Variants in ADAMTS6 observed in about 807,000 individuals in gnomAD.
ADAMTS6 encodes the protein ADAM metallopeptidase with thrombospondin type 1 motif 6.
Under a neutral mutation model 144.3 loss-of-function variants are expected in ADAMTS6, and 23 were observed. That is an observed-to-expected ratio of 0.16 (90% confidence interval 0.11 to 0.23). The LOEUF is 0.23. ADAMTS6 is among the 10% of genes least tolerant of loss of function. ADAMTS6 has a pLI of 1.00. For synonymous variants in ADAMTS6, 444 were observed against 457.5 expected, an observed-to-expected ratio of 0.97 and a Z score of 0.38; for missense variants, 999 against 1,379.6, an observed-to-expected ratio of 0.72 and a Z score of 4.37.
chr5:65,452,294 A>C (rs1758811313), intron 5 of ADAMTS6, 78 bp from the exon 6 acceptor site: 2 of 1,264,196 alleles, frequency 1.6e-6, no homozygotes, highest in African/African-American at 1.5e-5. Flanking sequence ...TAAGTGCTAA[A>C]ACAATTTTTT....
At chr5:65,179,545 C>T (rs2112126346) in intron 22 of ADAMTS6, among the ~76,000 whole-genome samples, 1 of 152,236 alleles carries the variant, frequency 6.6e-6, no homozygotes, top group East Asian at 1.9e-4. Context: ...ATGTGGTTCT[C>T]TTAATTAGGA....
intron 9 of ADAMTS6, among the ~76,000 whole-genome samples, chr5:65,303,256 G>A (rs917489566): frequency 2.6e-5 from 4 of 152,058 alleles, no homozygotes; most frequent in African/African-American, 9.7e-5. Context: ...TCAAAGAGTT[G>A]AGTGGTATTT....
chr5:65,461,494 AC>A (rs1759639289), intron 3 of ADAMTS6, among the ~76,000 whole-genome samples: 1 of 152,242 alleles, frequency 6.6e-6, no homozygotes, highest in Non-Finnish European at 1.5e-5. Flanking sequence ...AAGAATTTCC[AC>A]CTTTGTCTAA....
chr5:65,239,346 CAACAA>C (rs1174850188), intron 15 of ADAMTS6, among the ~76,000 whole-genome samples: 1 of 150,644 alleles, frequency 6.6e-6, no homozygotes, highest in East Asian at 1.9e-4. Context: ...ACTGACAGAT[CAACAA>C]AACAAAACAG....
intron 22 of ADAMTS6, among the ~76,000 whole-genome samples, chr5:65,187,711 T>C (rs1220932859): frequency 2.0e-5 from 3 of 152,166 alleles, no homozygotes; most frequent in African/African-American, 7.2e-5. Flanking sequence ...AATTCTAAAC[T>C]TGTGATGTGC....
intron 7 of ADAMTS6, among the ~76,000 whole-genome samples, chr5:65,379,742 C>T (rs1377462689): frequency 1.3e-5 from 2 of 151,970 alleles, no homozygotes; most frequent in Admixed American, 1.3e-4. Context: ...ACAGTGTCCC[C>T]GCTTTCTCCT....
chr5:65,463,770 A>G (rs1224568756), intron 3 of ADAMTS6, among the ~76,000 whole-genome samples: 5 of 152,114 alleles, frequency 3.3e-5, no homozygotes, highest in Non-Finnish European at 5.9e-5. Flanking sequence ...CTCCTCTACC[A>G]CCAGCTTCAT....
At chr5:65,441,249 C>T in intron 7 of ADAMTS6, among the ~76,000 whole-genome samples, 1 of 152,008 alleles carries the variant, frequency 6.6e-6, no homozygotes, top group South Asian at 2.1e-4. Flanking sequence ...AGAAAAAAGT[C>T]ACCTTGAAGA....
intron 9 of ADAMTS6, among the ~76,000 whole-genome samples, chr5:65,322,826 C>T (rs1055097350): frequency 6.6e-6 from 1 of 152,086 alleles, no homozygotes; most frequent in Non-Finnish European, 1.5e-5. Context: ...CATCTGCAAA[C>T]AGGGATAGTT....
intron 9 of ADAMTS6, among the ~76,000 whole-genome samples, chr5:65,320,890 T>A (rs1580385918): frequency 6.6e-6 from 1 of 152,222 alleles, no homozygotes; most frequent in Non-Finnish European, 1.5e-5. Context: ...TCATTCTTTT[T>A]TATGGCTGCA....
intron 14 of ADAMTS6, among the ~76,000 whole-genome samples, chr5:65,246,455 C>T (rs1189106425): frequency 2.0e-5 from 3 of 152,052 alleles, no homozygotes; most frequent in East Asian, 1.9e-4. Context: ...GTTCTGCTTT[C>T]GTGGAGTTTA....
rs1329773681 is a variant in ADAMTS6, at chr5:65,225,034, T to TC, written c.2080dup (p.Asp694GlyfsTer2). The TC allele has an allele frequency of 6.2e-7, 1 of 1,613,960 alleles. No homozygotes were observed. Among genetic ancestry groups the TC allele is most frequent in the Non-Finnish European group, 8.5e-7 (1 of 1,179,948 alleles). On this transcript the variant is annotated frameshift_variant, in exon 17 of 25. Coordinates refer to ENST00000381055, the MANE Select transcript of ADAMTS6 (RefSeq NM_197941.4). LOFTEE classifies it high-confidence loss of function. ...CCTAGCATCAGATCCCAAAATATTA[T>TC]CACAGCCTACGTGCTGAAAACAGAG...
chr5:65,471,813 A>C (rs1271506412), intron 2 of ADAMTS6, among the ~76,000 whole-genome samples: 1 of 152,198 alleles, frequency 6.6e-6, no homozygotes, highest in Non-Finnish European at 1.5e-5. Context: ...GGAATGTAAA[A>C]TGCTGTAACC....
intron 18 of ADAMTS6, among the ~76,000 whole-genome samples, chr5:65,223,411 G>C (rs1757472158): frequency 1.3e-5 from 2 of 152,076 alleles, no homozygotes; most frequent in South Asian, 4.2e-4. Context: ...AAGTATATTA[G>C]ATGTGCAGAA....
At chr5:65,383,812 T>C (rs1413950158) in intron 7 of ADAMTS6, among the ~76,000 whole-genome samples, 2 of 151,920 alleles carry the variant, frequency 1.3e-5, no homozygotes, top group African/African-American at 4.8e-5. Context: ...CTCATAGCAA[T>C]TCTCTGCCTG....
rs560401404 is a variant in ADAMTS6 at position 65,464,429 on chromosome 5, G to A, written c.463-4091C>T. 1.2e-4 allele frequency among the ~76,000 whole-genome samples: 19 copies of A among 152,242 alleles called. No homozygotes were observed. In the South Asian group the frequency reaches 2.9e-3, roughly 23 times the overall value. On this transcript the variant is annotated intron_variant, in intron 3 of 24. Coordinates refer to ENST00000381055, the MANE Select transcript of ADAMTS6 (RefSeq NM_197941.4). ...ATATTTTTAAAAGAATGCAAAAACC[G>A]TAATGATATGAAAATATCTGTGGTT... is the stretch of plus-strand genomic sequence containing the variant.
chr5:65,291,565 T>C, intron 10 of ADAMTS6, 95 bp from the exon 11 acceptor site: 1 of 1,306,412 alleles, frequency 7.7e-7, no homozygotes, highest in South Asian at 1.9e-5. Flanking sequence ...TTTAATAACT[T>C]GACGCATGAA....
chr5:65,274,740 G>A (rs1412062057), intron 11 of ADAMTS6, among the ~76,000 whole-genome samples: 8 of 151,988 alleles, frequency 5.3e-5, no homozygotes, highest in East Asian at 1.9e-4. Context: ...GCTGGAGTGC[G>A]GTGGCACAAT....
At chr5:65,238,627 T>C (rs1758892977) in intron 15 of ADAMTS6, among the ~76,000 whole-genome samples, 1 of 151,738 alleles carries the variant, frequency 6.6e-6, no homozygotes, top group East Asian at 1.9e-4. Context: ...TATGGGAATT[T>C]AGAAAGGTCA....
Sources: gnomAD v4.1 joint callset for allele counts (sites outside exome capture counted in the v4.1 genomes callset) on GRCh38, gnomAD v4.1.1 for gene constraint, MANE v1.5 for transcripts, NCBI Gene and HGNC (gene_info 2026-07-23, HGNC 2026-07-21) for gene names.